SACS: variants seen among roughly 807,000 people sequenced by gnomAD.
The protein encoded by SACS is sacsin molecular chaperone, also known as sacsin.
In SACS, 197 loss-of-function variants were observed where a neutral mutation model predicts 348.0. That is an observed-to-expected ratio of 0.57 (90% CI 0.50 to 0.64). SACS has a LOEUF of 0.64. Ranked by LOEUF, SACS falls within the 30% of genes least tolerant of loss-of-function variation. The pLI, the probability that SACS is intolerant of heterozygous loss-of-function variation, is 0.00. For missense variants in SACS, 4,999 were observed against 5,360.8 expected (o/e 0.93, Z 2.11); for synonymous variants, 1,985 against 1,910.6 (o/e 1.04, Z -1.02).
intron 7 of SACS, among the ~76,000 whole-genome samples, chr13:23,357,980 C>G (rs1000083329): frequency 6.6e-6 from 1 of 152,176 alleles, no homozygotes; most frequent in Non-Finnish European, 1.5e-5. Flanking sequence ...ATCTGTGATA[C>G]TCAGTTTGTT....
In SACS at chr13:23,355,653, A is replaced by C. The variant is rs1359830369; in HGVS notation, c.959T>G (p.Val320Gly). Residue 320 changes from valine (V) to glycine (G), a missense_variant, in exon 8 of 10, where the codon GTC (valine) becomes GGC (glycine). By Grantham distance (109) the Val-to-Gly change is moderately radical. Coordinates refer to ENST00000382292, the MANE Select transcript of SACS (RefSeq NM_014363.6). The part of the protein sequence containing the change: ...LKSVQDVSLY[V>G]READGTEKLV... The stretch of plus-strand genomic sequence containing the variant: ...TTTCTCTGTTCCGTCAGCCTCTCGG[A>C]CATATAAGGAAACATCCTGCACACT... 1 of 1,614,036 alleles carries C rather than the reference A, an allele frequency of 6.2e-7. No homozygotes were observed.
chr13:23,362,302 C>T (rs1468797295), intron 6 of SACS, among the ~76,000 whole-genome samples: 4 of 152,136 alleles, frequency 2.6e-5, no homozygotes, highest in Non-Finnish European at 5.9e-5. Flanking sequence ...GTGTGTTATA[C>T]TGGGTGAGAG....
chr13:23,409,666 A>AT (rs931556437), intron 2 of SACS, among the ~76,000 whole-genome samples: 27 of 152,146 alleles, frequency 1.8e-4, no homozygotes, highest in African/African-American at 6.0e-4. Flanking sequence ...ATAAAAGTGT[A>AT]TTTTTTTAAA....
chr13:23,334,100 T>G lies in SACS; in HGVS notation c.9776A>C (p.Glu3259Ala), dbSNP rs1883671604. The G allele has an allele frequency of 1.2e-6, 2 of 1,613,736 alleles. No homozygotes were observed. The highest frequency in any genetic ancestry group is 1.7e-6 in the Non-Finnish European group (2 of 1,179,704). Residue 3259 changes from glutamate to alanine, a missense_variant, in exon 10 of 10, where the codon GAA (glutamate) becomes GCA (alanine). Glu to Ala is a moderately radical substitution (Grantham distance 107, BLOSUM62 -1). This residue lies in a region of SACS where 734 missense variants were observed against 694.0 expected (regional missense o/e 1.06). Transcript: ENST00000382292. ...TGTTGGTTTTGTTTCTTCCTGATCT[T>G]CTTTCACACTTACAGATTCACTAAT... is the stretch of plus-strand genomic sequence containing the variant. Reference protein sequence around the residue: ...HFISESVSVKEDQEETKPTFD... With the variant: ...HFISESVSVKADQEETKPTFD...
At chr13:23,376,389 A>G (rs978548949) in intron 2 of SACS, among the ~76,000 whole-genome samples, 1 of 149,684 alleles carries the variant, frequency 6.7e-6, no homozygotes, top group Non-Finnish European at 1.5e-5. Context: ...ACACATTGCA[A>G]AAAAAAAAAG....
At chr13:23,431,738 G>A (rs577251266) in intron 1 of SACS, among the ~76,000 whole-genome samples, 5 of 152,322 alleles carry the variant, frequency 3.3e-5, no homozygotes, top group South Asian at 4.1e-4. Context: ...AAACATCAGC[G>A]TTCCTTTTAT....
At chr13:23,400,455 C>G (rs1157556175) in intron 2 of SACS, among the ~76,000 whole-genome samples, 1 of 152,174 alleles carries the variant, frequency 6.6e-6, no homozygotes, top group Admixed American at 6.5e-5. Context: ...GGGTCTCGCT[C>G]TGTCACCCAG....
chr13:23,418,633 G>A (rs538504894), intron 1 of SACS, among the ~76,000 whole-genome samples: 1 of 152,220 alleles, frequency 6.6e-6, no homozygotes, highest in East Asian at 1.9e-4. Context: ...AGCTGTCTGA[G>A]TAGTTGGGCT....
chr13:23,363,725 T>C (rs1827672090), intron 6 of SACS, among the ~76,000 whole-genome samples: 1 of 152,228 alleles, frequency 6.6e-6, no homozygotes, highest in South Asian at 2.1e-4. Flanking sequence ...ATACCAGGTA[T>C]AAAACATTAT....
At chr13:23,354,429 C>G (rs1046473862) in intron 8 of SACS, 90 bp downstream of exon 8, 10 of 1,122,660 alleles carry the variant, frequency 8.9e-6, no homozygotes, top group Non-Finnish European at 1.3e-5. Flanking sequence ...ACATAGAAAA[C>G]CATTGAATTT....
In SACS at chr13:23,341,530, A is replaced by G. The variant is rs1353395473; in HGVS notation, c.2346T>C (p.Val782=). 2 of 1,614,134 alleles carry G rather than the reference A, an allele frequency of 1.2e-6. No individual in the cohort carries two copies. The highest frequency in any genetic ancestry group is 8.5e-7 in the Non-Finnish European group (1 of 1,180,012). ...AAAAATGTATATAAAGATTTTTCCA[A>G]ACCATCTTAAGCCATGAAACAGATG... ...NHPSVSWLKM[V]WKNLYIHFSE... Residue 782 remains valine (V), a synonymous_variant, in exon 10 of 10, where the codon GTT becomes GTC. Coordinates refer to ENST00000382292, the MANE Select transcript of SACS (RefSeq NM_014363.6).
At chr13:23,398,359 C>T (rs1356050351) in intron 2 of SACS, among the ~76,000 whole-genome samples, 1 of 151,012 alleles carries the variant, frequency 6.6e-6, no homozygotes, top group Non-Finnish European at 1.5e-5. Flanking sequence ...GCAGTGAAAC[C>T]CCATCTCTAC....
intron 1 of SACS, among the ~76,000 whole-genome samples, chr13:23,420,243 G>A (rs546179567): frequency 1.1e-4 from 17 of 152,162 alleles, no homozygotes; most frequent in Non-Finnish European, 2.5e-4. Context: ...CTGATGTCCA[G>A]ATGGGGCATA....
intron 1 of SACS, among the ~76,000 whole-genome samples, chr13:23,422,029 C>A (rs1004625119): frequency 2.0e-5 from 3 of 152,046 alleles, no homozygotes; most frequent in African/African-American, 7.2e-5. Context: ...TGGGCGTCCA[C>A]CTATGGTGTA....
At chr13:23,365,120 CT>C in intron 6 of SACS, 45 bp downstream of exon 6, 2 of 1,205,738 alleles carry the variant, frequency 1.7e-6, no homozygotes, top group South Asian at 2.6e-5. Flanking sequence ...TAAAAACTGC[CT>C]GTTAGTGCAT....
intron 2 of SACS, among the ~76,000 whole-genome samples, chr13:23,395,993 A>T (rs1468576273): frequency 6.6e-6 from 1 of 152,148 alleles, no homozygotes; most frequent in African/African-American, 2.4e-5. Context: ...CCCTTTAAGG[A>T]TTTCTATTCA....
At chr13:23,402,903 C>T (rs768779120) in intron 2 of SACS, among the ~76,000 whole-genome samples, 5 of 152,172 alleles carry the variant, frequency 3.3e-5, no homozygotes, top group Admixed American at 6.5e-5. Flanking sequence ...CAGGGCCGGG[C>T]ATGGTGGCTC....
rs71100174 is a variant in SACS, at chr13:23,381,355, GCACACACA to G, written c.21-6094_21-6087del. Among the ~76,000 whole-genome samples, 219 of 140,056 alleles carry G rather than the reference GCACACACA, an allele frequency of 1.6e-3. 1 individual carries two copies. The highest frequency in any genetic ancestry group is 0.011 in the South Asian group (46 of 4,072). The allele number at this position is 140,056 out of a possible 152,430, so 91.9% of individuals were successfully genotyped here. ...TCTGGCTGGACATGGGCAGCACGAA[GCACACACA>G]CACACACACACACACACACACACAC... On this transcript the variant is annotated intron_variant, in intron 2 of 9. Transcript: ENST00000382292.
Position 23,353,842 on chromosome 13 carries a change from A to C in SACS, c.2128T>G (p.Leu710Val). 1 of 1,611,028 alleles carries C rather than the reference A, an allele frequency of 6.2e-7. No individual in the cohort carries two copies. The highest frequency in any genetic ancestry group is 8.5e-7 in the Non-Finnish European group (1 of 1,177,302). Reference sequence around the variant, plus strand: ...ACAAGGTGAGGTTTCAAGTTATCCAAAATAAATCTTCCTTCAAGACTTGGG... The same window carrying C: ...ACAAGGTGAGGTTTCAAGTTATCCACAATAAATCTTCCTTCAAGACTTGGG... ...LFPSLEGRFILDNLKPHLVAA... is the reference protein window; with the variant it reads ...LFPSLEGRFIVDNLKPHLVAA... Residue 710 changes from leucine (L) to valine (V), a missense_variant, in exon 9 of 10, where the codon TTG becomes GTG. Coordinates refer to ENST00000382292, the MANE Select transcript of SACS (RefSeq NM_014363.6).
Sources: allele counts gnomAD v4.1 joint callset (sites outside exome capture counted in the v4.1 genomes callset), GRCh38; gene constraint gnomAD v4.1.1; regional missense constraint gnomAD v4.1.1; transcripts MANE v1.5; gene names NCBI Gene and HGNC (gene_info 2026-07-23, HGNC 2026-07-21).